Variants in LOC400499 observed in about 807,000 individuals in gnomAD.
chr16:11,508,449 T>C, the LOC400499 span, among the ~76,000 whole-genome samples: 51 of 152,302 alleles, frequency 3.3e-4, no homozygotes, highest in Admixed American at 1.2e-3. Context: ...AGGACTGTTG[T>C]GTGCTCGTAG....
chr16:11,457,906 T>G, the LOC400499 span, among the ~76,000 whole-genome samples: 1 of 151,544 alleles, frequency 6.6e-6, no homozygotes, highest in Non-Finnish European at 1.5e-5. Context: ...AATAAGCCAG[T>G]CAAAAAAAGG....
At chr16:11,440,303 C>G in the LOC400499 span, among the ~76,000 whole-genome samples, 3 of 152,178 alleles carry the variant, frequency 2.0e-5, no homozygotes, top group Admixed American at 2.0e-4. Context: ...ACTACATTTC[C>G]CAGCCTCCCT....
chr16:11,458,927 C>T, the LOC400499 span, among the ~76,000 whole-genome samples: 1 of 151,844 alleles, frequency 6.6e-6, no homozygotes, highest in East Asian at 2.0e-4. Context: ...ATCCCAACTA[C>T]TCAGGAGGCT....
the LOC400499 span, chr16:11,399,688 C>G: frequency 1.0e-5 from 4 of 398,910 alleles, no homozygotes; most frequent in African/African-American, 8.2e-5. Flanking sequence ...GTGCAGCGGT[C>G]AGGCCCCACA....
the LOC400499 span, among the ~76,000 whole-genome samples, chr16:11,483,156 T>C: frequency 7.9e-5 from 12 of 152,226 alleles, no homozygotes; most frequent in South Asian, 1.9e-3. Flanking sequence ...AGTCTAACCA[T>C]ATCGAGTGTT....
the LOC400499 span, among the ~76,000 whole-genome samples, chr16:11,409,144 C>T: frequency 6.6e-6 from 1 of 151,786 alleles, no homozygotes. Context: ...GCCTGTAATC[C>T]CAGCTACTCA....
the LOC400499 span, chr16:11,516,094 C>T: frequency 5.0e-6 from 2 of 399,458 alleles, no homozygotes; most frequent in Non-Finnish European, 8.8e-6. Flanking sequence ...ACAGGTCAAC[C>T]TTCTGGCCAC....
At chr16:11,379,351 G>C in the LOC400499 span, among the ~76,000 whole-genome samples, 1 of 152,200 alleles carries the variant, frequency 6.6e-6, no homozygotes. Flanking sequence ...GGAGCTCTGA[G>C]GTGTGTTGCA....
chr16:11,375,226 G>T, the LOC400499 span, among the ~76,000 whole-genome samples: 1 of 143,458 alleles, frequency 7.0e-6, no homozygotes, highest in Non-Finnish European at 1.5e-5. Context: ...AATACACAAG[G>T]GTTCAAACAA....
chr16:11,484,816 T>C, the LOC400499 span: 2 of 398,562 alleles, frequency 5.0e-6, no homozygotes, highest in East Asian at 7.1e-5. Flanking sequence ...GGTTCAAAAG[T>C]CCACGCATGA....
chr16:11,383,944 G>A, the LOC400499 span: 7 of 1,231,950 alleles, frequency 5.7e-6, no homozygotes, highest in Non-Finnish European at 7.1e-6. Flanking sequence ...CCAGCAGGCG[G>A]GGAGCTGTCC....
the LOC400499 span, chr16:11,518,983 G>C: frequency 5.0e-6 from 2 of 399,058 alleles, no homozygotes; most frequent in Non-Finnish European, 8.8e-6. Context: ...GAAGCACAAA[G>C]CACCGTGAGT....
At chr16:11,406,536 A>G in the LOC400499 span, among the ~76,000 whole-genome samples, 3 of 152,170 alleles carry the variant, frequency 2.0e-5, no homozygotes, top group Non-Finnish European at 2.9e-5. Flanking sequence ...GGGTTCAAGC[A>G]ATTCTCCTGC....
At chr16:11,483,087 A>C in the LOC400499 span, among the ~76,000 whole-genome samples, 3 of 152,198 alleles carry the variant, frequency 2.0e-5, no homozygotes, top group Non-Finnish European at 4.4e-5. Context: ...GTCATTAGGG[A>C]AATGCAAATT....
At chr16:11,404,959 A>G in the LOC400499 span, 2 of 397,974 alleles carry the variant, frequency 5.0e-6, no homozygotes, top group African/African-American at 2.1e-5. Flanking sequence ...GAAAAAGGGA[A>G]TATTTGTGGA....
the LOC400499 span, chr16:11,424,150 A>C: frequency 2.5e-6 from 1 of 399,260 alleles, no homozygotes. Flanking sequence ...GGGAGGCCCC[A>C]GTGCTTGAGG....
chr16:11,434,426 G>T, the LOC400499 span, among the ~76,000 whole-genome samples: 1 of 152,132 alleles, frequency 6.6e-6, no homozygotes, highest in Non-Finnish European at 1.5e-5. Context: ...AGAGGCTGAG[G>T]GGAATGGTGT....
the LOC400499 span, among the ~76,000 whole-genome samples, chr16:11,492,934 C>A: frequency 1.5e-3 from 234 of 152,122 alleles, 4 homozygotes; most frequent in Non-Finnish European, 9.1e-4. Flanking sequence ...TAAGCTAAGA[C>A]GTACAGGATG....
the LOC400499 span, among the ~76,000 whole-genome samples, chr16:11,393,133 T>G: frequency 6.7e-6 from 1 of 149,506 alleles, no homozygotes. Flanking sequence ...GGATTACAGG[T>G]GTGAGCCACC....
Sources: gnomAD v4.1 joint callset for allele counts (sites outside exome capture counted in the v4.1 genomes callset) on GRCh38, gnomAD v4.1.1 for gene constraint, MANE v1.5 for transcripts.